Variants in ELMO1 observed in about 807,000 individuals in gnomAD.
ELMO1 encodes engulfment and cell motility 1, also known as engulfment and cell motility protein 1.
ELMO1 carries 26 observed loss-of-function variants against 98.9 expected under a neutral mutation model. That is an observed-to-expected ratio of 0.26 (90% CI 0.19 to 0.36). ELMO1 has a LOEUF of 0.36. Ranked by LOEUF, ELMO1 falls within the 10% of genes least tolerant of loss-of-function variation. The pLI, the probability that ELMO1 is intolerant of heterozygous loss-of-function variation, is 1.00. For missense variants in ELMO1, 627 were observed against 935.2 expected, an observed-to-expected ratio of 0.67 and a Z score of 4.30; for synonymous variants, 346 against 346.0, an observed-to-expected ratio of 1.00 and a Z score of 0.00.
chr7:37,354,992 T>C (rs920719316), intron 1 of ELMO1, among the ~76,000 whole-genome samples: 1 of 152,252 alleles, frequency 6.6e-6, no homozygotes, highest in African/African-American at 2.4e-5. Flanking sequence ...GTGCCTCCAC[T>C]GGGTTTCACC....
At chr7:36,968,876 A>G (rs1789671009) in intron 16 of ELMO1, among the ~76,000 whole-genome samples, 1 of 152,030 alleles carries the variant, frequency 6.6e-6, no homozygotes, top group African/African-American at 2.4e-5. Flanking sequence ...TAAAAAAAAT[A>G]ATTTTGGGGC....
rs139926489 is a variant in ELMO1, at chr7:36,886,505, T to C, written c.1714+1055A>G. Among the ~76,000 whole-genome samples the C allele has an allele frequency of 6.3e-3, 962 of 152,328 alleles. 4 individuals carry two copies. Among genetic ancestry groups the C allele is most frequent in the Non-Finnish European group, 0.01 (714 of 68,024 alleles). On this transcript the variant is annotated intron_variant, in intron 18 of 21. Transcript: ENST00000310758. ...TGGCTTAGCAGGGCATCCAGCAGGT[T>C]TCAAAATATCTGCCAAAGTTTCTCC...
intron 15 of ELMO1, among the ~76,000 whole-genome samples, chr7:37,017,958 A>G (rs1794039236): frequency 6.6e-6 from 1 of 152,150 alleles, no homozygotes; most frequent in Non-Finnish European, 1.5e-5. Flanking sequence ...GATGCCCCCT[A>G]GCGTGCCATA....
At chr7:37,025,236 A>G (rs1421760801) in intron 15 of ELMO1, among the ~76,000 whole-genome samples, 2 of 152,204 alleles carry the variant, frequency 1.3e-5, no homozygotes, top group East Asian at 3.8e-4. Context: ...AAACAACAAC[A>G]ATGAAAAAAT....
At chr7:37,443,421 CAT>C (rs1376042218) in intron 1 of ELMO1, among the ~76,000 whole-genome samples, 1 of 152,170 alleles carries the variant, frequency 6.6e-6, no homozygotes, top group Non-Finnish European at 1.5e-5. Context: ...TCTATTTATA[CAT>C]GTGACTAATT....
intron 9 of ELMO1, among the ~76,000 whole-genome samples, chr7:37,224,171 T>C (rs746255361): frequency 3.3e-5 from 5 of 152,228 alleles, no homozygotes; most frequent in African/African-American, 4.8e-5. Flanking sequence ...AAGCTCATAA[T>C]GTTTATTATC....
At chr7:37,101,751 G>C (rs1784657143) in intron 14 of ELMO1, among the ~76,000 whole-genome samples, 1 of 151,930 alleles carries the variant, frequency 6.6e-6, no homozygotes, top group African/African-American at 2.4e-5. Context: ...TTCTCTTAAG[G>C]GGGATAAAGG....
At chr7:37,216,123 T>C (rs1169508839) in intron 11 of ELMO1, among the ~76,000 whole-genome samples, 1 of 147,598 alleles carries the variant, frequency 6.8e-6, no homozygotes, top group Non-Finnish European at 1.5e-5. Context: ...ATTTGCAAGG[T>C]GACACTTAGG....
intron 1 of ELMO1, among the ~76,000 whole-genome samples, chr7:37,420,009 T>C (rs949662258): frequency 5.3e-5 from 8 of 152,246 alleles, no homozygotes; most frequent in African/African-American, 1.9e-4. Context: ...GGTGATATAA[T>C]TCAACCATTT....
At chr7:37,340,059 G>C (rs1235613410) in intron 2 of ELMO1, among the ~76,000 whole-genome samples, 1 of 152,122 alleles carries the variant, frequency 6.6e-6, no homozygotes, top group Non-Finnish European at 1.5e-5. Flanking sequence ...GGAGATCAAA[G>C]AGACCTGACA....
intron 4 of ELMO1, among the ~76,000 whole-genome samples, chr7:37,312,615 AT>A (rs1020045397): frequency 3.3e-5 from 5 of 151,992 alleles, no homozygotes; most frequent in Admixed American, 6.6e-5. Context: ...AGCCCTACAT[AT>A]TTTTTTAAGG....
chr7:37,397,211 A>T (rs747490197), intron 1 of ELMO1, among the ~76,000 whole-genome samples: 7 of 152,240 alleles, frequency 4.6e-5, no homozygotes, highest in Non-Finnish European at 8.8e-5. Flanking sequence ...CAAAAAACTT[A>T]AAAATACTTT....
intron 13 of ELMO1, among the ~76,000 whole-genome samples, chr7:37,187,995 CT>C (rs373019213): frequency 5.7e-4 from 87 of 151,990 alleles, no homozygotes; most frequent in African/African-American, 1.8e-3. Flanking sequence ...TTTCTATTAC[CT>C]TGTGACAAGA....
intron 15 of ELMO1, among the ~76,000 whole-genome samples, chr7:37,069,624 ATAATT>A (rs1797165797): frequency 6.6e-6 from 1 of 152,216 alleles, no homozygotes; most frequent in Admixed American, 6.5e-5. Flanking sequence ...CCCCAAACTT[ATAATT>A]TATTTCATAA....
intron 15 of ELMO1, among the ~76,000 whole-genome samples, chr7:37,058,307 T>C (rs1268300743): frequency 2.0e-5 from 3 of 152,214 alleles, no homozygotes; most frequent in South Asian, 4.1e-4. Flanking sequence ...AGGTGCAAAA[T>C]TTAAAAAATC....
At chr7:36,991,225 C>T (rs530519346) in intron 16 of ELMO1, among the ~76,000 whole-genome samples, 1 of 152,314 alleles carries the variant, frequency 6.6e-6, no homozygotes, top group East Asian at 1.9e-4. Flanking sequence ...CCACCTACAT[C>T]TCAGCCCTCT....
intron 1 of ELMO1, among the ~76,000 whole-genome samples, chr7:37,448,303 G>A (rs1805737238): frequency 2.0e-5 from 2 of 101,984 alleles, no homozygotes; most frequent in Non-Finnish European, 4.1e-5. Flanking sequence ...ACCCTCCCGC[G>A]CCCCCCCTCC....
At chr7:37,188,501 A>AAT (rs1554438183) in intron 13 of ELMO1, among the ~76,000 whole-genome samples, 2,088 of 125,918 alleles carry the variant, frequency 0.017, 151 homozygotes, top group African/African-American at 0.052. Context: ...AAAAAAAAAA[A>AAT]AATAATAATA....
chr7:37,200,637 T>C (rs963244045), intron 13 of ELMO1, among the ~76,000 whole-genome samples: 1 of 152,128 alleles, frequency 6.6e-6, no homozygotes, highest in African/African-American at 2.4e-5. Flanking sequence ...AGCAGCTTCA[T>C]AGGCCACCCA....
Sources: gnomAD v4.1 joint callset for allele counts (sites outside exome capture counted in the v4.1 genomes callset) on GRCh38, gnomAD v4.1.1 for gene constraint, MANE v1.5 for transcripts, NCBI Gene and HGNC (gene_info 2026-07-23, HGNC 2026-07-21) for gene names.